The following PRKG1 variants were observed in gnomAD, a reference collection of about 807,000 sequenced individuals.
PRKG1 encodes protein kinase cGMP-dependent 1.
Under a neutral mutation model 88.1 loss-of-function variants are expected in PRKG1, and 35 were observed. The ratio of observed to expected loss-of-function variants is 0.40; its 90% CI spans 0.30 to 0.53. PRKG1 has a LOEUF of 0.53. PRKG1 is among the 20% of genes least tolerant of loss of function. The pLI, the probability that PRKG1 is intolerant of heterozygous loss-of-function variation, is 0.59. For synonymous variants in PRKG1, 303 were observed against 292.5 expected (o/e 1.04, Z -0.37); for missense variants, 540 against 839.8 (o/e 0.64, Z 4.41).
At chr10:51,928,627 G>T (rs1288676054) in intron 5 of PRKG1, among the ~76,000 whole-genome samples, 1 of 152,096 alleles carries the variant, frequency 6.6e-6, no homozygotes, top group South Asian at 2.1e-4. Flanking sequence ...TGATTTTAAG[G>T]GTTATCGGAT....
intron 2 of PRKG1, among the ~76,000 whole-genome samples, chr10:51,440,211 T>A (rs1271395100): frequency 6.6e-6 from 1 of 151,514 alleles, no homozygotes; most frequent in Non-Finnish European, 1.5e-5. Flanking sequence ...ATTTTTTTTT[T>A]AAGTAAAATC....
intron 9 of PRKG1, among the ~76,000 whole-genome samples, chr10:52,192,385 T>C (rs1839388952): frequency 6.6e-6 from 1 of 152,092 alleles, no homozygotes; most frequent in Middle Eastern, 3.2e-3. Flanking sequence ...TTTCTAGACA[T>C]TTTTAGGAGG....
intron 1 of PRKG1, among the ~76,000 whole-genome samples, chr10:51,048,844 G>C (rs1843523408): frequency 6.8e-6 from 1 of 146,618 alleles, no homozygotes. Flanking sequence ...AGAAGAGGGA[G>C]TATAGTGACT....
At chr10:51,821,447 C>A (rs759203681) in intron 4 of PRKG1, among the ~76,000 whole-genome samples, 1 of 151,962 alleles carries the variant, frequency 6.6e-6, no homozygotes, top group Non-Finnish European at 1.5e-5. Context: ...AGTGGTTGAA[C>A]TAATTTATGC....
At chr10:52,043,162 G>A (rs1380091647) in intron 5 of PRKG1, among the ~76,000 whole-genome samples, 3 of 152,048 alleles carry the variant, frequency 2.0e-5, no homozygotes, top group African/African-American at 4.8e-5. Flanking sequence ...CAGTATGGAG[G>A]TTCCTCAAAA....
In PRKG1 at chr10:52,193,563, C is replaced by CAAA. The variant is rs67349420; in HGVS notation, c.1076+31610_1076+31612dup. ...GACTCTGTCTCAAAAAAAAAAAAAA[C>CAAA]AAAAAAAAAAAACAAAAAAAAAACT... On this transcript the variant is annotated intron_variant, in intron 9 of 17. Coordinates refer to ENST00000373980, the MANE Select transcript of PRKG1 (RefSeq NM_006258.4). Among the ~76,000 whole-genome samples the CAAA allele has an allele frequency of 4.6e-4, 55 of 118,514 alleles. 1 individual carries two copies. The highest frequency in any genetic ancestry group is 1.8e-3 in the South Asian group (7 of 3,968). 77.7% of individuals were successfully genotyped at this position (118,514 alleles called of 152,430 possible). A position where few individuals can be genotyped will look rare whatever the true frequency, so the allele number is the denominator to read the frequency against.
chr10:51,228,558 A>C (rs764542292), intron 2 of PRKG1, among the ~76,000 whole-genome samples: 1 of 152,088 alleles, frequency 6.6e-6, no homozygotes, highest in African/African-American at 2.4e-5. Flanking sequence ...CATTTAAGTA[A>C]ATTGCTTTTT....
At chr10:51,639,489 TAAA>T (rs1353156782) in intron 3 of PRKG1, among the ~76,000 whole-genome samples, 2 of 113,252 alleles carry the variant, frequency 1.8e-5, no homozygotes, top group Non-Finnish European at 3.5e-5. Flanking sequence ...GACATGAGAT[TAAA>T]AAAAAGACTG....
chr10:51,088,757 T>C (rs1055846079), intron 1 of PRKG1, among the ~76,000 whole-genome samples: 2 of 152,112 alleles, frequency 1.3e-5, no homozygotes, highest in African/African-American at 2.4e-5. Context: ...TTGCTCCATG[T>C]TACATCCTTG....
chr10:51,564,229 AAAAC>A (rs150648423), intron 3 of PRKG1, among the ~76,000 whole-genome samples: 10,450 of 152,054 alleles, frequency 0.069, 1,161 homozygotes, highest in African/African-American at 0.24. Flanking sequence ...AAAACAAAAC[AAAAC>A]AAAAAAACCC....
chr10:51,998,220 C>G (rs1250924060), intron 5 of PRKG1, among the ~76,000 whole-genome samples: 1 of 151,738 alleles, frequency 6.6e-6, no homozygotes, highest in Admixed American at 6.6e-5. Flanking sequence ...GTTTGTTTTG[C>G]TTTGTTTTTT....
chr10:52,037,179 G>A (rs143392585), intron 5 of PRKG1, among the ~76,000 whole-genome samples: 11,793 of 151,718 alleles, frequency 0.078, 842 homozygotes, highest in East Asian at 0.43. Flanking sequence ...GAGGAATCCC[G>A]GGCTGCAGGC....
At chr10:51,716,366 A>G (rs1367050949) in intron 3 of PRKG1, among the ~76,000 whole-genome samples, 1 of 152,198 alleles carries the variant, frequency 6.6e-6, no homozygotes, top group South Asian at 2.1e-4. Flanking sequence ...ATTCTCTGCC[A>G]TTCTAAAATC....
At chr10:51,045,409 C>T (rs935676297) in intron 1 of PRKG1, among the ~76,000 whole-genome samples, 1 of 152,096 alleles carries the variant, frequency 6.6e-6, no homozygotes, top group African/African-American at 2.4e-5. Flanking sequence ...GCAACCTCCA[C>T]TTCCTGGCTT....
Position 51,320,082 on chromosome 10 carries a change from T to C in PRKG1, c.479-147641T>C, listed in dbSNP as rs182161913. 279 of 173,728 alleles carry C rather than the reference T, an allele frequency of 1.6e-3. 1 individual carries two copies. Among genetic ancestry groups the C allele is most frequent in the African/African-American group, 6.4e-3 (266 of 41,868 alleles). The allele number at this position is 173,728 out of a possible 1,614,324, so 10.8% of individuals were successfully genotyped here. The stretch of plus-strand genomic sequence containing the variant: ...GAGCTGCCCACACAGATCGGCAGCC[T>C]TCAGAAACTCAAACACATGAACCTG... On this transcript the variant is annotated intron_variant, in intron 2 of 17. Coordinates refer to ENST00000373980, the MANE Select transcript of PRKG1 (RefSeq NM_006258.4).
chr10:51,704,550 A>G (rs1164071513), intron 3 of PRKG1, among the ~76,000 whole-genome samples: 1 of 152,218 alleles, frequency 6.6e-6, no homozygotes, highest in East Asian at 1.9e-4. Context: ...TAAAGTATGT[A>G]GAGATGGAAG....
intron 1 of PRKG1, among the ~76,000 whole-genome samples, chr10:51,131,633 T>C (rs1343758318): frequency 1.3e-5 from 2 of 152,188 alleles, no homozygotes; most frequent in Non-Finnish European, 2.9e-5. Flanking sequence ...CAGTGGAAGA[T>C]GAATGTGGAA....
rs574573451 is a variant in PRKG1 at position 51,767,638 on chromosome 10, T to TA, written c.593-36945dup. ...TCTCTAGCTTTTGAATTTTTTTTTT[T>TA]AACCTATGAAATCAGGCTGTTAGAA... is the stretch of plus-strand genomic sequence containing the variant. On this transcript the variant is annotated intron_variant, in intron 3 of 17. Coordinates refer to ENST00000373980, the MANE Select transcript of PRKG1 (RefSeq NM_006258.4). Among the ~76,000 whole-genome samples, 18 of 151,810 alleles carry TA rather than the reference T, an allele frequency of 1.2e-4. No individual in the cohort carries two copies. In the South Asian group the frequency reaches 2.9e-3, roughly 24 times the overall value.
chr10:51,212,618 A>G (rs1026255638), intron 2 of PRKG1, among the ~76,000 whole-genome samples: 1 of 152,236 alleles, frequency 6.6e-6, no homozygotes, highest in Admixed American at 6.5e-5. Flanking sequence ...ACAAATTTAC[A>G]AGACAAAAAC....
Sources: gnomAD v4.1 joint callset for allele counts (sites outside exome capture counted in the v4.1 genomes callset) on GRCh38, gnomAD v4.1.1 for gene constraint, MANE v1.5 for transcripts, NCBI Gene and HGNC (gene_info 2026-07-23, HGNC 2026-07-21) for gene names.